The following SLC44A5 variants were observed in gnomAD, a reference collection of about 807,000 sequenced individuals.
SLC44A5 encodes choline transporter-like protein 5.
A neutral mutation model predicts 101.8 loss-of-function variants in SLC44A5; 57 were observed. The observed-to-expected ratio is 0.56, with a 90% confidence interval of 0.45 to 0.70. SLC44A5 has a LOEUF of 0.70. SLC44A5 is among the 30% of genes least tolerant of loss of function. The pLI is 0.00. For missense variants in SLC44A5, 737 were observed against 853.1 expected (o/e 0.86, Z 1.70); for synonymous variants, 281 against 290.9 (o/e 0.97, Z 0.35).
At chr1:75,217,747 G>T in intron 18 of SLC44A5, 119 bp downstream of exon 18, 2 of 701,266 alleles carry the variant, frequency 2.9e-6, no homozygotes, top group Non-Finnish European at 5.1e-6. Context: ...AGAACAGAAC[G>T]GGTCCCAAAT....
the SLC44A5 span, among the ~76,000 whole-genome samples, chr1:75,635,731 A>G: frequency 6.6e-5 from 10 of 151,636 alleles, no homozygotes; most frequent in Admixed American, 1.3e-4. Flanking sequence ...TGGGTGCATC[A>G]CACCAGCATG....
intron 4 of SLC44A5, among the ~76,000 whole-genome samples, chr1:75,336,836 T>G (rs920705851): frequency 6.6e-6 from 1 of 152,192 alleles, no homozygotes; most frequent in Non-Finnish European, 1.5e-5. Flanking sequence ...TTATAAAAAC[T>G]AATTGACTTG....
chr1:75,576,310 C>CT (rs555545245), intron 1 of SLC44A5, among the ~76,000 whole-genome samples: 243 of 145,752 alleles, frequency 1.7e-3, no homozygotes, highest in African/African-American at 3.1e-3. Flanking sequence ...ATAAATGTTC[C>CT]TTTTTTTTTT....
chr1:75,255,028 C>T (rs75306711), intron 6 of SLC44A5, among the ~76,000 whole-genome samples: 8,763 of 152,140 alleles, frequency 0.058, 294 homozygotes, highest in Middle Eastern at 0.13. Context: ...TGTTCTATGG[C>T]GTTTTGAAAG....
intron 23 of SLC44A5, 24 bp downstream of exon 23, chr1:75,211,443 GA>G: frequency 6.3e-7 from 1 of 1,581,958 alleles, no homozygotes; most frequent in Non-Finnish European, 8.7e-7. Context: ...ACCGAAGGGG[GA>G]AAACACACAT....
chr1:75,678,231 A>C, the SLC44A5 span, among the ~76,000 whole-genome samples: 5 of 152,170 alleles, frequency 3.3e-5, no homozygotes, highest in Admixed American at 3.3e-4. Context: ...ACAAAGCAGC[A>C]GGGAAGCTCG....
chr1:75,221,386 A>G (rs1647077183), intron 14 of SLC44A5, among the ~76,000 whole-genome samples: 1 of 152,124 alleles, frequency 6.6e-6, no homozygotes, highest in African/African-American at 2.4e-5. Flanking sequence ...TTCTTGAATG[A>G]CCTTTTGGAA....
chr1:75,300,642 T>C lies in SLC44A5; in HGVS notation c.145A>G (p.Ile49Val). The change falls in exon 5 of 24, where the codon ATT (isoleucine) becomes GTT (valine). Residue 49 changes from isoleucine to valine, a missense_variant. This residue lies in a region of SLC44A5 where 665 missense variants were observed against 764.4 expected (regional missense o/e 0.87). Transcript: ENST00000370859. ...VLCCMIFLLC[I>V]IGYIVLGLVA... The stretch of plus-strand genomic sequence containing the variant: ...AGTCCTAAAACAATGTAGCCAATAA[T>C]ACACAGTAGGAAGATCATACAGCAC... The C allele has an allele frequency of 6.2e-7, 1 of 1,606,848 alleles. No homozygotes were observed. The highest frequency in any genetic ancestry group is 8.5e-7 in the Non-Finnish European group (1 of 1,176,722).
intron 6 of SLC44A5, among the ~76,000 whole-genome samples, chr1:75,255,804 A>T (rs1251329215): frequency 6.6e-6 from 1 of 152,162 alleles, no homozygotes; most frequent in Non-Finnish European, 1.5e-5. Flanking sequence ...ATGTATGTGA[A>T]TTCTACTGGC....
At chr1:75,210,625 A>G (rs560696736) in intron 23 of SLC44A5, among the ~76,000 whole-genome samples, 6 of 152,280 alleles carry the variant, frequency 3.9e-5, no homozygotes, top group Admixed American at 1.3e-4. Flanking sequence ...AGAATTCCAC[A>G]TATCTAGTTC....
At chr1:75,449,040 C>A (rs1488114011) in intron 2 of SLC44A5, among the ~76,000 whole-genome samples, 1 of 152,184 alleles carries the variant, frequency 6.6e-6, no homozygotes, top group Admixed American at 6.5e-5. Flanking sequence ...CAAGAATATT[C>A]TCTTCCATTT....
intron 1 of SLC44A5, among the ~76,000 whole-genome samples, chr1:75,582,832 C>T (rs1570671099): frequency 6.6e-6 from 1 of 152,130 alleles, no homozygotes; most frequent in South Asian, 2.1e-4. Flanking sequence ...CCATCATTTC[C>T]TTTTCTCTAC....
At chr1:75,427,703 T>C (rs1664391175) in intron 2 of SLC44A5, among the ~76,000 whole-genome samples, 1 of 152,216 alleles carries the variant, frequency 6.6e-6, no homozygotes, top group Non-Finnish European at 1.5e-5. Flanking sequence ...CTTTTGTGCC[T>C]CTATTTCTTA....
At chr1:75,246,352 T>C (rs1451643420) in intron 7 of SLC44A5, among the ~76,000 whole-genome samples, 2 of 152,092 alleles carry the variant, frequency 1.3e-5, no homozygotes, top group Non-Finnish European at 2.9e-5. Context: ...TAGAGTACAG[T>C]GGAAAAATTC....
chr1:75,540,269 C>T (rs116598980), intron 2 of SLC44A5, among the ~76,000 whole-genome samples: 3,798 of 152,228 alleles, frequency 0.025, 155 homozygotes, highest in African/African-American at 0.086. Context: ...TTTACAGATG[C>T]GCAAACAAAT....
At chr1:75,713,702 A>G in the SLC44A5 span, among the ~76,000 whole-genome samples, 3 of 146,124 alleles carry the variant, frequency 2.1e-5, no homozygotes, top group African/African-American at 8.4e-5. Context: ...ACATAATTAA[A>G]GTAAGTCCTG....
the SLC44A5 span, among the ~76,000 whole-genome samples, chr1:75,682,221 G>A: frequency 2.1e-3 from 324 of 152,176 alleles, no homozygotes; most frequent in Non-Finnish European, 3.7e-3. Context: ...ATCAAGCTAC[G>A]AATGCCTTTC....
chr1:75,643,806 C>T, the SLC44A5 span, among the ~76,000 whole-genome samples: 1 of 152,228 alleles, frequency 6.6e-6, no homozygotes, highest in South Asian at 2.1e-4. Context: ...GACTGTGAGT[C>T]CATTAAACCT....
intron 3 of SLC44A5, among the ~76,000 whole-genome samples, chr1:75,342,743 T>C (rs1227117804): frequency 2.0e-5 from 3 of 152,202 alleles, no homozygotes; most frequent in Non-Finnish European, 4.4e-5. Context: ...CTTCCTGTGA[T>C]TTGTACCTCA....
Sources: gnomAD v4.1 joint callset for allele counts (sites outside exome capture counted in the v4.1 genomes callset) on GRCh38, gnomAD v4.1.1 for gene constraint, gnomAD v4.1.1 regional missense constraint, MANE v1.5 for transcripts, NCBI Gene and HGNC (gene_info 2026-07-23, HGNC 2026-07-21) for gene names.